SBF2: variants seen among roughly 807,000 people sequenced by gnomAD.
SBF2 encodes SET binding factor 2, also known as myotubularin-related protein 13.
SBF2 carries 112 observed loss-of-function variants against 225.2 expected under a neutral mutation model. That is an observed-to-expected ratio of 0.50 (90% CI 0.43 to 0.58). The LOEUF is 0.58. SBF2 is among the 20% of genes least tolerant of loss of function. The pLI is 0.00. For missense variants in SBF2, 1,996 were observed against 2,206.2 expected, an observed-to-expected ratio of 0.90 and a Z score of 1.91; for synonymous variants, 763 against 773.3, an observed-to-expected ratio of 0.99 and a Z score of 0.22.
At chr11:10,296,249 AT>A (rs1161052879), upstream of SBF2, among the ~76,000 whole-genome samples, 1 of 152,146 alleles carries the variant, frequency 6.6e-6, no homozygotes, top group Non-Finnish European at 1.5e-5. Context: ...ATACTTCATT[AT>A]TTTTTATGAC....
intron 6 of SBF2, among the ~76,000 whole-genome samples, chr11:10,019,687 C>T (rs1948777398): frequency 6.6e-6 from 1 of 151,252 alleles, no homozygotes; most frequent in South Asian, 2.1e-4. Flanking sequence ...CATTTTTTCC[C>T]CTTATAAGTG....
rs2133916966 is a variant in SBF2, at chr11:9,820,173, T to G, written c.3794-3149A>C. Among the ~76,000 whole-genome samples, 3 of 152,314 alleles carry G rather than the reference T, an allele frequency of 2.0e-5. 1 individual carries two copies. In the Middle Eastern group the frequency reaches 0.01, roughly 518 times the overall value. ...TCAATTAGAAGAAATGATTTTATAT[T>G]TATTCAGGATTACAATCTTTAATAG... On this transcript the variant is annotated intron_variant, in intron 28 of 39. Transcript: ENST00000256190.
At chr11:10,232,607 A>T (rs1217893836) in intron 1 of SBF2, among the ~76,000 whole-genome samples, 1 of 147,994 alleles carries the variant, frequency 6.8e-6, no homozygotes, top group Admixed American at 6.8e-5. Context: ...TCTGTCACCG[A>T]GGCTGGAGTA....
intron 1 of SBF2, among the ~76,000 whole-genome samples, chr11:10,223,425 A>ATATAC (rs1565371374): frequency 2.5e-5 from 3 of 120,746 alleles, no homozygotes; most frequent in Non-Finnish European, 5.7e-5. Flanking sequence ...ATATATATAT[A>ATATAC]TATATATATA....
chr11:10,233,438 T>C (rs185850899), intron 1 of SBF2, among the ~76,000 whole-genome samples: 2 of 152,218 alleles, frequency 1.3e-5, no homozygotes, highest in African/African-American at 4.8e-5. Context: ...GCTCCTATTA[T>C]GAATAATCCA....
chr11:10,102,053 A>C (rs1253630289), intron 2 of SBF2, among the ~76,000 whole-genome samples: 1 of 152,078 alleles, frequency 6.6e-6, no homozygotes, highest in East Asian at 1.9e-4. Context: ...GATTTTAGTA[A>C]TTTTCTGGGA....
rs548704044 is a variant in SBF2, at chr11:9,988,072, C to A, written c.1395+1425G>T. Among the ~76,000 whole-genome samples the A allele has an allele frequency of 2.0e-5, 3 of 152,128 alleles. No individual in the cohort carries two copies. In the East Asian group the frequency reaches 5.8e-4, roughly 29 times the overall value. ...CATGGTACTGGTATAAAAACATAGACCAATGGAACAGAATAGAGAACCCAG... is the reference window on the plus strand; with the variant it reads ...CATGGTACTGGTATAAAAACATAGAACAATGGAACAGAATAGAGAACCCAG... On this transcript the variant is annotated intron_variant, in intron 13 of 39. Transcript: ENST00000256190.
intron 1 of SBF2, among the ~76,000 whole-genome samples, chr11:10,197,050 G>GA (rs1194360480): frequency 2.6e-5 from 4 of 151,650 alleles, no homozygotes; most frequent in African/African-American, 9.7e-5. Flanking sequence ...CACTTCTCCT[G>GA]AAAAAATACT....
At chr11:9,785,631 G>T (rs1852322458) in intron 36 of SBF2, among the ~76,000 whole-genome samples, 1 of 152,152 alleles carries the variant, frequency 6.6e-6, no homozygotes, top group Non-Finnish European at 1.5e-5. Flanking sequence ...GGAGGCCGAG[G>T]TGAGTGGATC....
At chr11:10,160,451 G>C (rs1202012992) in intron 2 of SBF2, among the ~76,000 whole-genome samples, 2 of 151,980 alleles carry the variant, frequency 1.3e-5, no homozygotes, top group East Asian at 1.9e-4. Flanking sequence ...AAGAGGCAAA[G>C]AGAGGAAAAA....
rs1397478865 is a variant in SBF2 at position 9,966,079 on chromosome 11, C to A, written c.1601-2197G>T. Among the ~76,000 whole-genome samples, 2 of 151,800 alleles carry A rather than the reference C, an allele frequency of 1.3e-5. 1 individual carries two copies. The highest frequency in any genetic ancestry group is 1.3e-4 in the Admixed American group (2 of 15,236). Reference sequence around the variant, plus strand: ...GAGTTATTAGAAAAAAACATATTTTCTTTTTCTTTTTCTTTTTTTTTTGTG... The same window carrying A: ...GAGTTATTAGAAAAAAACATATTTTATTTTTCTTTTTCTTTTTTTTTTGTG... On this transcript the variant is annotated intron_variant, in intron 14 of 39. Transcript: ENST00000256190.
At chr11:10,090,247 A>T (rs991831879) in intron 2 of SBF2, among the ~76,000 whole-genome samples, 1 of 152,184 alleles carries the variant, frequency 6.6e-6, no homozygotes, top group Non-Finnish European at 1.5e-5. Context: ...AGTTCTGGGG[A>T]TGGATAGCAG....
intron 22 of SBF2, among the ~76,000 whole-genome samples, chr11:9,848,127 A>G (rs1856684886): frequency 6.6e-6 from 1 of 152,136 alleles, no homozygotes; most frequent in Non-Finnish European, 1.5e-5. Flanking sequence ...GGTTCATCTT[A>G]TTTAACAGCT....
chr11:9,939,705 A>C (rs1865134944), intron 16 of SBF2, among the ~76,000 whole-genome samples: 1 of 152,216 alleles, frequency 6.6e-6, no homozygotes, highest in Non-Finnish European at 1.5e-5. Flanking sequence ...TGGAGATATG[A>C]AACATAGCCC....
chr11:9,836,687 T>A (rs1855753508), intron 26 of SBF2, among the ~76,000 whole-genome samples: 1 of 152,172 alleles, frequency 6.6e-6, no homozygotes, highest in Non-Finnish European at 1.5e-5. Flanking sequence ...AGTTTTAGAA[T>A]ACTGAATATT....
At chr11:10,281,477 A>G (rs991461804) in intron 1 of SBF2, among the ~76,000 whole-genome samples, 2 of 152,204 alleles carry the variant, frequency 1.3e-5, no homozygotes, top group Non-Finnish European at 2.9e-5. Context: ...AGAAACTTGA[A>G]ACAGTCTCTC....
intron 38 of SBF2, among the ~76,000 whole-genome samples, chr11:9,783,474 T>C (rs1248091353): frequency 1.3e-5 from 2 of 152,194 alleles, no homozygotes; most frequent in African/African-American, 4.8e-5. Flanking sequence ...TCAAAATGTG[T>C]AAGCCTCAGC....
intron 2 of SBF2, among the ~76,000 whole-genome samples, chr11:10,134,991 C>T (rs1223126689): frequency 1.3e-5 from 2 of 152,234 alleles, no homozygotes; most frequent in Non-Finnish European, 1.5e-5. Context: ...AGAAGTTCTT[C>T]CTGAGGACCC....
At chr11:10,188,085 T>C (rs1008933419) in intron 2 of SBF2, among the ~76,000 whole-genome samples, 1 of 152,242 alleles carries the variant, frequency 6.6e-6, no homozygotes, top group African/African-American at 2.4e-5. Context: ...CCGTATTCTT[T>C]CTACTGAACC....
Sources: allele counts gnomAD v4.1 joint callset (sites outside exome capture counted in the v4.1 genomes callset), GRCh38; gene constraint gnomAD v4.1.1; transcripts MANE v1.5; gene names NCBI Gene and HGNC (gene_info 2026-07-23, HGNC 2026-07-21).